Variants in SH3RF1 observed in about 807,000 individuals in gnomAD.
The protein encoded by SH3RF1 is SH3 domain containing ring finger 1.
SH3RF1 carries 32 observed loss-of-function variants against 74.0 expected under a neutral mutation model. The ratio of observed to expected loss-of-function variants is 0.43; its 90% CI spans 0.33 to 0.58. SH3RF1 has a LOEUF of 0.58. Ranked by LOEUF, SH3RF1 falls within the 20% of genes least tolerant of loss-of-function variation. The pLI, the probability that SH3RF1 is intolerant of heterozygous loss-of-function variation, is 0.05. For missense variants in SH3RF1, 954 were observed against 1,130.9 expected (o/e 0.84, Z 2.24); for synonymous variants, 396 against 439.6 (o/e 0.90, Z 1.24).
At chr4:169,172,335 CTTATT>C (rs927480945) in intron 2 of SH3RF1, among the ~76,000 whole-genome samples, 1 of 152,306 alleles carries the variant, frequency 6.6e-6, no homozygotes, top group African/African-American at 2.4e-5. Context: ...GTAATTCCTC[CTTATT>C]TTAAGAATAT....
At chr4:169,211,468 C>T (rs1475392901) in intron 2 of SH3RF1, among the ~76,000 whole-genome samples, 4 of 129,338 alleles carry the variant, frequency 3.1e-5, no homozygotes, top group Non-Finnish European at 4.7e-5. Flanking sequence ...GGCAACAGAG[C>T]GAGACTCCGT....
rs1261781733 is a variant in SH3RF1 at position 169,107,077 on chromosome 4, C to T, written c.2268G>A (p.Ala756=). 27 of 1,613,872 alleles carry T rather than the reference C, an allele frequency of 1.7e-5. No homozygotes were observed. The highest frequency in any genetic ancestry group is 5.3e-5 in the African/African-American group (4 of 74,934). ...LGSAELPLQG[A]VGPELPPGGG... is the part of the protein sequence containing the mutation. The stretch of plus-strand genomic sequence containing the variant: ...CTCCTGGTGGCAGTTCGGGCCCCAC[C>T]GCTCCCTGGAGAGGAAGCTCTGCAC... Residue 756 remains alanine, a synonymous_variant, in exon 11 of 12, where the codon GCG becomes GCA. Transcript: ENST00000284637.
intron 4 of SH3RF1, among the ~76,000 whole-genome samples, chr4:169,148,161 T>G (rs1351851488): frequency 1.1e-4 from 17 of 152,134 alleles, no homozygotes. Context: ...TAAGCAAAGT[T>G]GGATAATAAT....
intron 2 of SH3RF1, among the ~76,000 whole-genome samples, chr4:169,221,867 A>T (rs912642155): frequency 1.3e-5 from 2 of 152,246 alleles, no homozygotes; most frequent in Non-Finnish European, 2.9e-5. Flanking sequence ...CAGTACAAAC[A>T]GTGAACTGCT....
intron 2 of SH3RF1, among the ~76,000 whole-genome samples, chr4:169,225,743 C>G (rs1488340832): frequency 2.0e-5 from 3 of 152,124 alleles, no homozygotes; most frequent in African/African-American, 4.8e-5. Flanking sequence ...GAAGGAGTAG[C>G]AGAGTTGAGG....
intron 2 of SH3RF1, among the ~76,000 whole-genome samples, chr4:169,208,096 G>A (rs1458763539): frequency 6.6e-6 from 1 of 151,892 alleles, no homozygotes; most frequent in Non-Finnish European, 1.5e-5. Flanking sequence ...TAAAATAAAA[G>A]CATACGTGGA....
intron 2 of SH3RF1, among the ~76,000 whole-genome samples, chr4:169,203,377 C>T (rs1162755089): frequency 6.6e-6 from 1 of 151,888 alleles, no homozygotes. Flanking sequence ...ATGGTGAAAC[C>T]CCACCTCTAC....
intron 5 of SH3RF1, among the ~76,000 whole-genome samples, chr4:169,133,960 C>G (rs1161162079): frequency 6.6e-6 from 1 of 152,150 alleles, no homozygotes; most frequent in African/African-American, 2.4e-5. Flanking sequence ...CTTACATGAG[C>G]CATTTCCCCA....
intron 2 of SH3RF1, among the ~76,000 whole-genome samples, chr4:169,218,658 T>C (rs933503350): frequency 2.0e-5 from 3 of 151,560 alleles, no homozygotes; most frequent in Non-Finnish European, 4.4e-5. Context: ...ACCATCTCAA[T>C]CTAAAATGCA....
At chr4:169,253,908 C>T (rs537683751) in intron 2 of SH3RF1, among the ~76,000 whole-genome samples, 1 of 152,290 alleles carries the variant, frequency 6.6e-6, no homozygotes, top group Non-Finnish European at 1.5e-5. Context: ...GCTTTTGACT[C>T]AACTCAGCAG....
intron 2 of SH3RF1, among the ~76,000 whole-genome samples, chr4:169,223,164 C>T (rs765760446): frequency 2.6e-5 from 4 of 152,294 alleles, no homozygotes; most frequent in East Asian, 1.9e-4. Context: ...TCTATTCATT[C>T]CATTGACAGG....
intron 2 of SH3RF1, among the ~76,000 whole-genome samples, chr4:169,257,348 A>G (rs1731206959): frequency 6.6e-6 from 1 of 152,194 alleles, no homozygotes; most frequent in South Asian, 2.1e-4. Context: ...GCTCATTCAC[A>G]CTGCTCTCAG....
At chr4:169,158,464 T>G (rs953394630) in intron 2 of SH3RF1, among the ~76,000 whole-genome samples, 1 of 152,144 alleles carries the variant, frequency 6.6e-6, no homozygotes, top group East Asian at 1.9e-4. Context: ...CAGAGGCCAG[T>G]TTATTGAGGG....
At position 169,165,756 on chromosome 4, in the gene SH3RF1, T is replaced by C. The variant is rs546699657; in HGVS notation, c.394-9077A>G. ...CATATAATTTAAACATAAGGTTAAA[T>C]GTAAAAGATAGTTCATAGTTTCAGA... On this transcript the variant is annotated intron_variant, in intron 2 of 11. Transcript: ENST00000284637. Among the ~76,000 whole-genome samples the C allele has an allele frequency of 2.6e-5, 4 of 152,282 alleles. No homozygotes were observed. The East Asian group carries it at 7.7e-4, about 29-fold the overall frequency.
intron 4 of SH3RF1, among the ~76,000 whole-genome samples, chr4:169,139,066 C>T (rs969712565): frequency 3.9e-5 from 6 of 152,162 alleles, no homozygotes; most frequent in Non-Finnish European, 7.3e-5. Flanking sequence ...ATCCTCTTGC[C>T]TCAACCTCCT....
At chr4:169,260,540 G>A (rs1731260501) in intron 2 of SH3RF1, among the ~76,000 whole-genome samples, 1 of 152,194 alleles carries the variant, frequency 6.6e-6, no homozygotes, top group Non-Finnish European at 1.5e-5. Context: ...CAGGGCAGAG[G>A]TGGAACTTTT....
At chr4:169,153,719 A>C (rs1734008618) in intron 4 of SH3RF1, among the ~76,000 whole-genome samples, 1 of 152,186 alleles carries the variant, frequency 6.6e-6, no homozygotes, top group Admixed American at 6.5e-5. Flanking sequence ...AAATGTTCAT[A>C]GGCTCCTAAA....
At chr4:169,259,407 A>G (rs1731239770) in intron 2 of SH3RF1, among the ~76,000 whole-genome samples, 3 of 152,134 alleles carry the variant, frequency 2.0e-5, no homozygotes, top group Admixed American at 2.0e-4. Flanking sequence ...AGCTACCCCG[A>G]AAGAGCCCAC....
At chr4:169,181,937 C>G (rs1475256976) in intron 2 of SH3RF1, among the ~76,000 whole-genome samples, 1 of 152,160 alleles carries the variant, frequency 6.6e-6, no homozygotes, top group Non-Finnish European at 1.5e-5. Context: ...TTCTATTAGA[C>G]ACCTCTTTGA....
Sources: allele counts gnomAD v4.1 joint callset (sites outside exome capture counted in the v4.1 genomes callset), GRCh38; gene constraint gnomAD v4.1.1; transcripts MANE v1.5; gene names NCBI Gene and HGNC (gene_info 2026-07-23, HGNC 2026-07-21).